The following ABCC4 variants were observed in gnomAD, a reference collection of about 807,000 sequenced individuals.
ABCC4 encodes ATP binding cassette subfamily C member 4 (PEL blood group).
Under a neutral mutation model 168.5 loss-of-function variants are expected in ABCC4, and 102 were observed. The ratio of observed to expected loss-of-function variants is 0.61; its 90% CI spans 0.52 to 0.71. The LOEUF is 0.71. Among genes scored for constraint, ABCC4 ranks in the 30% least tolerant of loss-of-function variants. The pLI, the probability that ABCC4 is intolerant of heterozygous loss-of-function variation, is 0.00. For missense variants in ABCC4, 1,402 were observed against 1,605.8 expected (o/e 0.87, Z 2.17); for synonymous variants, 617 against 590.7 (o/e 1.04, Z -0.65).
At chr13:95,159,133 A>AT (rs59552400) in intron 19 of ABCC4, among the ~76,000 whole-genome samples, 45 of 125,322 alleles carry the variant, frequency 3.6e-4, no homozygotes, top group East Asian at 1.7e-3. Flanking sequence ...ATATATATAT[A>AT]ACTATTGAAG....
chr13:95,216,759 T>C (rs1028328931), intron 4 of ABCC4, among the ~76,000 whole-genome samples: 4 of 152,150 alleles, frequency 2.6e-5, no homozygotes, highest in African/African-American at 9.7e-5. Context: ...ATTATTAAAA[T>C]ATAACATCAA....
chr13:95,210,866 C>A, intron 4 of ABCC4, 85 bp from the exon 5 acceptor site: 2 of 983,728 alleles, frequency 2.0e-6, no homozygotes, highest in South Asian at 1.5e-5. Context: ...GAGGAAGTCT[C>A]GTGTGATGTC....
At chr13:95,106,509 C>T (rs753347953) in intron 20 of ABCC4, among the ~76,000 whole-genome samples, 2 of 147,550 alleles carry the variant, frequency 1.4e-5, no homozygotes, top group Non-Finnish European at 3.0e-5. Flanking sequence ...TTGTAAACTT[C>T]AGTATTTAAA....
chr13:95,125,777 C>T (rs1446763961), intron 19 of ABCC4, among the ~76,000 whole-genome samples: 1 of 152,190 alleles, frequency 6.6e-6, no homozygotes, highest in Non-Finnish European at 1.5e-5. Context: ...TGCTTTGCTA[C>T]AGCAAGTGAT....
At position 95,206,676 on chromosome 13, in the gene ABCC4, G is replaced by A. The variant is rs571589752; in HGVS notation, c.1017C>T (p.Tyr339=). Residue 339 remains tyrosine, a synonymous_variant, in exon 8 of 31, where the codon TAC becomes TAT. Transcript: ENST00000645237. ...KIIVFVTFTT[Y]VLLGSVITAS... Reference sequence around the variant, plus strand: ...CTGTGATCACACTGCCGAGGAGCACGTAGGTGGTGAAGGTCACAAACACGA... The same window carrying A: ...CTGTGATCACACTGCCGAGGAGCACATAGGTGGTGAAGGTCACAAACACGA... The A allele has an allele frequency of 6.8e-4, 1,100 of 1,614,188 alleles. 16 individuals are homozygous for A. In the South Asian group the frequency reaches 0.011, roughly 16 times the overall value.
chr13:95,158,075 A>T (rs1046350894), intron 19 of ABCC4, among the ~76,000 whole-genome samples: 1 of 150,980 alleles, frequency 6.6e-6, no homozygotes, highest in African/African-American at 2.4e-5. Context: ...CCGTCTCAAA[A>T]AAAAAAAAAA....
intron 4 of ABCC4, among the ~76,000 whole-genome samples, chr13:95,220,675 C>T (rs1304382498): frequency 6.6e-6 from 1 of 152,176 alleles, no homozygotes; most frequent in Non-Finnish European, 1.5e-5. Flanking sequence ...GAGAAAAATG[C>T]ACAGAGAGAG....
At chr13:95,290,125 T>C (rs1594450905) in intron 1 of ABCC4, among the ~76,000 whole-genome samples, 1 of 150,918 alleles carries the variant, frequency 6.6e-6, no homozygotes, top group Non-Finnish European at 1.5e-5. Context: ...GATAGATAGA[T>C]AGATAGATAG....
At chr13:95,121,369 C>T (rs1240373894) in intron 19 of ABCC4, among the ~76,000 whole-genome samples, 1 of 151,338 alleles carries the variant, frequency 6.6e-6, no homozygotes, top group Admixed American at 6.6e-5. Flanking sequence ...GATTATAGAG[C>T]TTAAATGGGT....
chr13:95,131,419 G>C (rs988785099), intron 19 of ABCC4, among the ~76,000 whole-genome samples: 1 of 152,124 alleles, frequency 6.6e-6, no homozygotes, highest in Non-Finnish European at 1.5e-5. Flanking sequence ...CCTGACGTCA[G>C]GAATTTGAGA....
intron 1 of ABCC4, among the ~76,000 whole-genome samples, chr13:95,293,114 C>T (rs1414180473): frequency 2.0e-5 from 3 of 152,108 alleles, no homozygotes; most frequent in Non-Finnish European, 4.4e-5. Flanking sequence ...TTCCCACCTT[C>T]TCCATCCAAG....
intron 25 of ABCC4, among the ~76,000 whole-genome samples, chr13:95,067,048 A>T (rs995888622): frequency 4.6e-5 from 7 of 152,224 alleles, no homozygotes; most frequent in Non-Finnish European, 8.8e-5. Flanking sequence ...GCCTGCAGCT[A>T]CGTTGGACAT....
At chr13:95,179,552 C>T (rs1232824963) in intron 11 of ABCC4, among the ~76,000 whole-genome samples, 1 of 152,156 alleles carries the variant, frequency 6.6e-6, no homozygotes, top group African/African-American at 2.4e-5. Flanking sequence ...AAGAACATCC[C>T]TGAAAATAAC....
intron 19 of ABCC4, among the ~76,000 whole-genome samples, chr13:95,143,271 C>T (rs887120534): frequency 1.3e-5 from 2 of 152,060 alleles, no homozygotes; most frequent in Non-Finnish European, 2.9e-5. Flanking sequence ...AGGCACTTGG[C>T]TGTGGTTCTT....
chr13:95,024,888 C>T (rs2031311171), intron 30 of ABCC4, among the ~76,000 whole-genome samples: 1 of 151,954 alleles, frequency 6.6e-6, no homozygotes, highest in Admixed American at 6.6e-5. Context: ...ATCAGGAGAG[C>T]CTGAATGGTA....
At chr13:95,243,234 G>A (rs2039993365) in intron 3 of ABCC4, among the ~76,000 whole-genome samples, 1 of 152,202 alleles carries the variant, frequency 6.6e-6, no homozygotes, top group Non-Finnish European at 1.5e-5. Flanking sequence ...GGAGGGTTCA[G>A]ATACCAGGAC....
chr13:95,236,569 A>C (rs2153673), intron 3 of ABCC4, among the ~76,000 whole-genome samples: 138,172 of 152,030 alleles, frequency 0.91, 63,275 homozygotes, highest in Non-Finnish European at 0.98. Context: ...AATCCCAACA[A>C]GCCTGTCTCG....
At position 95,200,332 on chromosome 13, in the gene ABCC4, G is replaced by C. The variant is rs551914946; in HGVS notation, c.1162-5395C>G. 7.2e-5 allele frequency among the ~76,000 whole-genome samples: 11 copies of C among 152,238 alleles called. No individual in the cohort carries two copies. In the South Asian group the frequency reaches 2.1e-3, roughly 29 times the overall value. On this transcript the variant is annotated intron_variant, in intron 8 of 30. Coordinates refer to ENST00000645237, the MANE Select transcript of ABCC4 (RefSeq NM_005845.5). ...AGTTATCCTGACGTCGTTTCTATTT[G>C]CTACACATATTTTGACCTCATGCGT...
chr13:95,171,541 G>A (rs1404162820), intron 13 of ABCC4, among the ~76,000 whole-genome samples: 1 of 149,062 alleles, frequency 6.7e-6, no homozygotes, highest in Non-Finnish European at 1.5e-5. Context: ...GGTTGACAGA[G>A]TAAGACCCTG....
Sources: gnomAD v4.1 joint callset for allele counts (sites outside exome capture counted in the v4.1 genomes callset) on GRCh38, gnomAD v4.1.1 for gene constraint, MANE v1.5 for transcripts, NCBI Gene and HGNC (gene_info 2026-07-23, HGNC 2026-07-21) for gene names.